The following ZNF277 variants were observed in gnomAD, a reference collection of about 807,000 sequenced individuals.
ZNF277 encodes zinc finger protein 277, also known as nuclear receptor-interacting factor 4.
ZNF277 carries 55 observed loss-of-function variants against 60.7 expected under a neutral mutation model. That is an observed-to-expected ratio of 0.91 (90% CI 0.73 to 1.13). The LOEUF (loss-of-function observed/expected upper bound fraction) is 1.13. Ranked by LOEUF, ZNF277 falls within the 50% of genes most tolerant of loss-of-function variation. ZNF277 has a pLI of 0.00. For missense variants in ZNF277, 510 were observed against 523.0 expected (o/e 0.98, Z 0.24); for synonymous variants, 178 against 179.3 (o/e 0.99, Z 0.06).
intron 7 of ZNF277, 87 bp downstream of exon 7, chr7:112,330,303 A>G (rs779868516): frequency 2.0e-5 from 28 of 1,379,728 alleles, no homozygotes; most frequent in Non-Finnish European, 2.7e-5. Context: ...TGAATAAGCA[A>G]TTATTGCAAA....
intron 2 of ZNF277, among the ~76,000 whole-genome samples, chr7:112,290,236 T>C (rs1792176015): frequency 6.6e-6 from 1 of 152,212 alleles, no homozygotes; most frequent in Non-Finnish European, 1.5e-5. Flanking sequence ...AAGATTTTTC[T>C]TTCTCCTCTG....
chr7:112,314,850 C>G (rs1291446487), intron 4 of ZNF277, among the ~76,000 whole-genome samples: 1 of 151,974 alleles, frequency 6.6e-6, no homozygotes, highest in Admixed American at 6.6e-5. Context: ...ATTGTGAATG[C>G]CATGCTAAAT....
Position 112,295,904 on chromosome 7 carries a change from A to G in ZNF277, c.329A>G (p.Gln110Arg), listed in dbSNP as rs1245501886. ...ILYWRKRFTE[Q>R]PITDFCSVIR... ...TATTGGAGGAAAAGGTTCACTGAAC[A>G]GCCCATCACAGATTTTTGTAGTGTA... Residue 110 changes from glutamine (Q) to arginine (R), a missense_variant, in exon 3 of 12, where the codon CAG becomes CGG. Gln to Arg is a conservative substitution (Grantham distance 43). Transcript: ENST00000361822. 2 of 1,613,038 alleles carry G rather than the reference A, an allele frequency of 1.2e-6. No individual in the cohort carries two copies. Among genetic ancestry groups the G allele is most frequent in the East Asian group, 2.2e-5 (1 of 44,708 alleles).
Position 112,206,741 on chromosome 7 carries a change from G to A in ZNF277, c.25G>A (p.Ala9Thr), listed in dbSNP as rs1437500057. The A allele has an allele frequency of 2.5e-6, 4 of 1,613,100 alleles. No individual in the cohort carries two copies. The African/African-American group carries it at 5.3e-5, about 22-fold the overall frequency. MAASKTQG[A>T]VARMQEDRDG... ...AATGGCTGCTTCCAAGACCCAGGGGGCTGTCGCCCGAATGCAGGAAGACCG... is the reference window on the plus strand; with the variant it reads ...AATGGCTGCTTCCAAGACCCAGGGGACTGTCGCCCGAATGCAGGAAGACCG... The change falls in exon 1 of 12, where the codon GCT becomes ACT. Residue 9 changes from alanine (A) to threonine (T), a missense_variant. Ala to Thr is a moderately conservative substitution (Grantham distance 58). Transcript: ENST00000361822.
rs540015261 is a variant in ZNF277 at position 112,296,381 on chromosome 7, T to G, written c.465+70T>G. 5.2e-5 allele frequency: 11 copies of G among 212,268 alleles called. No homozygotes were observed. In the South Asian group the frequency reaches 8.2e-4, roughly 16 times the overall value. The allele number at this position is 212,268 out of a possible 1,614,324, so 13.1% of individuals were successfully genotyped here. A position where few individuals can be genotyped will look rare whatever the true frequency, so the allele number is the denominator to read the frequency against. On this transcript the variant is annotated intron_variant, in intron 4 of 11. Coordinates refer to ENST00000361822, the MANE Select transcript of ZNF277 (RefSeq NM_021994.3). ...ATAAATACATATAAAATCATATTGG[T>G]TTTTTTTTTTTTTACTTTTTGTTAT...
intron 1 of ZNF277, among the ~76,000 whole-genome samples, chr7:112,233,270 C>G (rs1349049327): frequency 6.6e-6 from 1 of 152,136 alleles, no homozygotes; most frequent in Non-Finnish European, 1.5e-5. Flanking sequence ...CATGTGCCTG[C>G]TATGTGTCCA....
intron 8 of ZNF277, among the ~76,000 whole-genome samples, chr7:112,337,435 G>T (rs561647008): frequency 6.6e-6 from 1 of 152,330 alleles, no homozygotes; most frequent in South Asian, 2.1e-4. Flanking sequence ...AAACCTCATT[G>T]TCTCAGGACG....
At chr7:112,313,563 C>T (rs1792778749) in intron 4 of ZNF277, among the ~76,000 whole-genome samples, 1 of 152,000 alleles carries the variant, frequency 6.6e-6, no homozygotes, top group African/African-American at 2.4e-5. Context: ...AATCCCTAGT[C>T]CTATAGCAAG....
chr7:112,266,168 G>A (rs1219513117), intron 1 of ZNF277, among the ~76,000 whole-genome samples: 1 of 151,388 alleles, frequency 6.6e-6, no homozygotes, highest in Non-Finnish European at 1.5e-5. Flanking sequence ...TTTTGACGGA[G>A]TCTCACTCAC....
rs1471433952 is a variant in ZNF277 at position 112,298,733 on chromosome 7, T to C, written c.465+2422T>C. On this transcript the variant is annotated intron_variant, in intron 4 of 11. Transcript: ENST00000361822. ...ATAAGCCATGCCTTGTATTTGGTTCTTGCTTCATAGCACCCTGTGAGGTGG... is the reference window on the plus strand; with the variant it reads ...ATAAGCCATGCCTTGTATTTGGTTCCTGCTTCATAGCACCCTGTGAGGTGG... Among the ~76,000 whole-genome samples the C allele has an allele frequency of 2.0e-5, 3 of 152,202 alleles. No individual in the cohort carries two copies. The East Asian group carries it at 5.8e-4, about 29-fold the overall frequency.
chr7:112,286,406 C>T (rs11973971), intron 1 of ZNF277, among the ~76,000 whole-genome samples: 3,801 of 152,250 alleles, frequency 0.025, 150 homozygotes, highest in African/African-American at 0.086. Flanking sequence ...TTTGCAGATG[C>T]GACAGGAAGC....
chr7:112,303,818 CT>C (rs1792533856), intron 4 of ZNF277, among the ~76,000 whole-genome samples: 1 of 151,638 alleles, frequency 6.6e-6, no homozygotes, highest in Non-Finnish European at 1.5e-5. Flanking sequence ...ATATTCTGTC[CT>C]GTTTTGAAGA....
intron 1 of ZNF277, among the ~76,000 whole-genome samples, chr7:112,243,079 AC>A (rs980894070): frequency 7.9e-5 from 12 of 152,028 alleles, no homozygotes; most frequent in African/African-American, 2.9e-4. Context: ...ACAAAAGGAC[AC>A]CCTATTCGAT....
intron 1 of ZNF277, among the ~76,000 whole-genome samples, chr7:112,243,901 C>T (rs537470391): frequency 2.6e-5 from 4 of 152,070 alleles, no homozygotes; most frequent in East Asian, 1.9e-4. Flanking sequence ...AATAAACCTA[C>T]GCGTCCATCA....
chr7:112,231,939 C>T (rs1279174472), intron 1 of ZNF277, among the ~76,000 whole-genome samples: 2 of 151,476 alleles, frequency 1.3e-5, no homozygotes, highest in Non-Finnish European at 2.9e-5. Context: ...TTTTCTACTT[C>T]ATGAGGAAAG....
chr7:112,236,838 A>T (rs1038731559), intron 1 of ZNF277, among the ~76,000 whole-genome samples: 2 of 152,152 alleles, frequency 1.3e-5, no homozygotes, highest in African/African-American at 2.4e-5. Context: ...CAGAAAATCA[A>T]CAAAAAAACA....
intron 1 of ZNF277, among the ~76,000 whole-genome samples, chr7:112,225,419 C>T (rs1025516606): frequency 6.6e-6 from 1 of 152,190 alleles, no homozygotes; most frequent in Admixed American, 6.5e-5. Context: ...TTCATGACCT[C>T]TAAAGTACAA....
chr7:112,213,132 T>C (rs1821797097), intron 1 of ZNF277, among the ~76,000 whole-genome samples: 1 of 152,188 alleles, frequency 6.6e-6, no homozygotes, highest in African/African-American at 2.4e-5. Flanking sequence ...GTTCTCATGA[T>C]AGTGAATAAG....
intron 2 of ZNF277, among the ~76,000 whole-genome samples, chr7:112,290,323 A>G (rs187099620): frequency 1.8e-4 from 28 of 152,290 alleles, no homozygotes; most frequent in Non-Finnish European, 8.8e-5. Flanking sequence ...TTAAGTAGCT[A>G]TATTTGTACT....
Sources: gnomAD v4.1 joint callset for allele counts (sites outside exome capture counted in the v4.1 genomes callset) on GRCh38, gnomAD v4.1.1 for gene constraint, MANE v1.5 for transcripts, NCBI Gene and HGNC (gene_info 2026-07-23, HGNC 2026-07-21) for gene names.